ACTR10: variants seen among roughly 807,000 people sequenced by gnomAD.
ACTR10 encodes actin-related protein 10.
A neutral mutation model predicts 56.2 loss-of-function variants in ACTR10; 43 were observed. The ratio of observed to expected loss-of-function variants is 0.77; its 90% CI spans 0.60 to 0.99. The LOEUF (loss-of-function observed/expected upper bound fraction) is 0.99, where lower values mean the gene tolerates loss of function less well. ACTR10 is among the 50% of genes least tolerant of loss of function. The pLI is 0.00. For synonymous variants in ACTR10, 170 were observed against 176.3 expected (o/e 0.96, Z 0.28); for missense variants, 466 against 507.8 (o/e 0.92, Z 0.79).
At position 58,232,057 on chromosome 14, in the gene ACTR10, T is replaced by C. The variant is rs1294272112; in HGVS notation, c.871-9T>C. On this transcript the variant is annotated splice_polypyrimidine_tract_variant and intron_variant, in intron 11 of 12. Transcript: ENST00000254286. ...GAATAAATCCTTCTTTTTTTCTTTT[T>C]AATAACAGTGTCCGATAGACACCAG... 1 of 1,598,010 alleles carries C rather than the reference T, an allele frequency of 6.3e-7. No individual in the cohort carries two copies. Among genetic ancestry groups the C allele is most frequent in the Non-Finnish European group, 8.5e-7 (1 of 1,171,938 alleles).
chr14:58,218,302 C>T (rs1416340338), intron 7 of ACTR10, among the ~76,000 whole-genome samples: 3 of 152,122 alleles, frequency 2.0e-5, no homozygotes. Flanking sequence ...TCTGGCATAT[C>T]TTTATCCTCT....
chr14:58,226,062 T>C (rs931223782), intron 10 of ACTR10, among the ~76,000 whole-genome samples: 1 of 151,910 alleles, frequency 6.6e-6, no homozygotes, highest in Admixed American at 6.6e-5. Context: ...GGTGGGAGGA[T>C]ACCTTGAGCC....
chr14:58,229,462 A>C (rs1389925718), intron 10 of ACTR10, among the ~76,000 whole-genome samples: 1 of 152,046 alleles, frequency 6.6e-6, no homozygotes, highest in East Asian at 1.9e-4. Flanking sequence ...GCGGATCACG[A>C]GGTCAGGAGA....
At chr14:58,234,219 G>A (rs1889613762) in intron 12 of ACTR10, 151 bp from the exon 13 acceptor site, 2 of 555,802 alleles carry the variant, frequency 3.6e-6, no homozygotes, top group African/African-American at 1.9e-5. Context: ...AATAAAGAAT[G>A]GCTTAACTGG....
chr14:58,201,982 G>A (rs564369477), intron 1 of ACTR10, among the ~76,000 whole-genome samples: 1 of 136,290 alleles, frequency 7.3e-6, no homozygotes, highest in African/African-American at 2.8e-5. Context: ...CAGCCTGGGC[G>A]ACAGAGCGAG....
At chr14:58,211,457 A>C (rs763601391) in intron 5 of ACTR10, 58 bp downstream of exon 5, 14 of 1,180,494 alleles carry the variant, frequency 1.2e-5, no homozygotes, top group African/African-American at 3.0e-5. Flanking sequence ...AACTAAAATA[A>C]TTAGGCTAAT....
chr14:58,214,845 C>A (rs755420122), intron 6 of ACTR10, among the ~76,000 whole-genome samples: 1 of 150,766 alleles, frequency 6.6e-6, no homozygotes, highest in Non-Finnish European at 1.5e-5. Context: ...GTGGCTCACA[C>A]CTGTAATCCC....
chr14:58,230,764 CT>C (rs67511419), intron 11 of ACTR10, among the ~76,000 whole-genome samples: 69,723 of 142,922 alleles, frequency 0.49, 16,327 homozygotes, highest in Middle Eastern at 0.54. Flanking sequence ...TGGACATGTG[CT>C]TTTTTTTTTT....
chr14:58,213,401 A>T, intron 5 of ACTR10: 1 of 354,008 alleles, frequency 2.8e-6, no homozygotes, highest in Non-Finnish European at 5.1e-6. Flanking sequence ...CCCCAGCTGT[A>T]TCTAATGAAT....
intron 7 of ACTR10, among the ~76,000 whole-genome samples, chr14:58,215,916 G>A (rs954543270): frequency 6.6e-5 from 10 of 151,254 alleles, no homozygotes; most frequent in African/African-American, 2.4e-4. Context: ...TTACAAAACT[G>A]GAAGTTAGCC....
At chr14:58,226,788 C>T (rs1173010936) in intron 10 of ACTR10, among the ~76,000 whole-genome samples, 1 of 151,916 alleles carries the variant, frequency 6.6e-6, no homozygotes, top group East Asian at 1.9e-4. Context: ...TTAGTAGAGA[C>T]GAGGTTTCTC....
chr14:58,224,666 A>G (rs1206924942), intron 10 of ACTR10, among the ~76,000 whole-genome samples: 1 of 152,138 alleles, frequency 6.6e-6, no homozygotes, highest in Non-Finnish European at 1.5e-5. Context: ...ACACTTTAAA[A>G]CAGGGGTTAG....
chr14:58,220,050 T>G (rs181259333), intron 8 of ACTR10, among the ~76,000 whole-genome samples: 2 of 152,296 alleles, frequency 1.3e-5, no homozygotes, highest in East Asian at 3.9e-4. Context: ...TGTAGTATAA[T>G]GTTTTTTACT....
At chr14:58,202,217 A>C (rs1206638884) in intron 1 of ACTR10, among the ~76,000 whole-genome samples, 1 of 152,136 alleles carries the variant, frequency 6.6e-6, no homozygotes, top group African/African-American at 2.4e-5. Flanking sequence ...TATATGAATG[A>C]AGTCACATAA....
chr14:58,206,049 T>C (rs567758787), intron 2 of ACTR10, among the ~76,000 whole-genome samples: 12 of 151,992 alleles, frequency 7.9e-5, no homozygotes, highest in African/African-American at 2.9e-4. Flanking sequence ...GGGATGGAAG[T>C]TCCTGTTTAC....
chr14:58,200,652 G>T (rs1449381656), intron 1 of ACTR10, among the ~76,000 whole-genome samples: 2 of 152,172 alleles, frequency 1.3e-5, no homozygotes, highest in African/African-American at 4.8e-5. Flanking sequence ...GCAGCCAACC[G>T]AATGTAAATG....
At chr14:58,224,279 G>C (rs1398964377) in intron 10 of ACTR10, among the ~76,000 whole-genome samples, 1 of 151,972 alleles carries the variant, frequency 6.6e-6, no homozygotes, top group Non-Finnish European at 1.5e-5. Flanking sequence ...TGAGATTACA[G>C]GCATGAGCCA....
In ACTR10 at chr14:58,202,843, A is replaced by G; in HGVS notation, c.78-12A>G. On this transcript the variant is annotated splice_polypyrimidine_tract_variant and intron_variant, in intron 1 of 12. Transcript: ENST00000254286. ...ATACTATAAGTTGTTTCAATTTTCC[A>G]TTTATTTGCAGGTGTGGATTTGCTG... 6.4e-7 allele frequency: 1 copy of G among 1,571,340 alleles called. No individual in the cohort carries two copies. The highest frequency in any genetic ancestry group is 8.7e-7 in the Non-Finnish European group (1 of 1,154,014).
In ACTR10 at chr14:58,223,784, G is replaced by A. The variant is rs371950219; in HGVS notation, c.716G>A (p.Arg239His). 1.9e-5 allele frequency: 30 copies of A among 1,612,092 alleles called. No individual in the cohort carries two copies. Among genetic ancestry groups the A allele is most frequent in the South Asian group, 4.4e-5 (4 of 90,886 alleles). ...AKFNIDGNNE[R>H]PSPPPNVDYP... ...ATGTTTATGATATTTATATTTCAGCGTCCCTCCCCACCCCCAAATGTTGAC... is the reference window on the plus strand; with the variant it reads ...ATGTTTATGATATTTATATTTCAGCATCCCTCCCCACCCCCAAATGTTGAC... Residue 239 changes from arginine to histidine, a missense_variant and splice_region_variant, in exon 10 of 13, where the codon CGT becomes CAT. By Grantham distance (29) the Arg-to-His change is conservative. Transcript: ENST00000254286.
Sources: allele counts gnomAD v4.1 joint callset (sites outside exome capture counted in the v4.1 genomes callset), GRCh38; gene constraint gnomAD v4.1.1; transcripts MANE v1.5; gene names NCBI Gene and HGNC (gene_info 2026-07-23, HGNC 2026-07-21).